The following CYP2J2 variants were observed in gnomAD, a reference collection of about 807,000 sequenced individuals.
The protein encoded by CYP2J2 is cytochrome P450 family 2 subfamily J member 2, also known as cytochrome P450 2J2.
A neutral mutation model predicts 48.8 loss-of-function variants in CYP2J2; 41 were observed. That is an observed-to-expected ratio of 0.84 (90% CI 0.66 to 1.09). CYP2J2 has a LOEUF of 1.09. Ranked by LOEUF, CYP2J2 falls within the 50% of genes least tolerant of loss-of-function variation. The pLI, the probability that CYP2J2 is intolerant of heterozygous loss-of-function variation, is 0.00. For synonymous variants in CYP2J2, 221 were observed against 227.1 expected, an observed-to-expected ratio of 0.97 and a Z score of 0.24; for missense variants, 644 against 617.3, an observed-to-expected ratio of 1.04 and a Z score of -0.46.
At chr1:59,943,440 G>A in the CYP2J2 span, among the ~76,000 whole-genome samples, 16 of 152,200 alleles carry the variant, frequency 1.1e-4, no homozygotes, top group Non-Finnish European at 2.9e-5. Context: ...TTTCTTGTGA[G>A]AAAATACGGA....
At chr1:59,923,257 T>C (rs745757747) in intron 1 of CYP2J2, among the ~76,000 whole-genome samples, 1 of 152,234 alleles carries the variant, frequency 6.6e-6, no homozygotes, top group Non-Finnish European at 1.5e-5. Flanking sequence ...TAGACCAGAA[T>C]AGCACTGCAG....
chr1:59,945,788 T>G, the CYP2J2 span, among the ~76,000 whole-genome samples: 7 of 152,196 alleles, frequency 4.6e-5, no homozygotes, highest in Non-Finnish European at 5.9e-5. Context: ...AAATGAAAAC[T>G]CCATCCTCTG....
rs150303224 is a variant in CYP2J2, at chr1:59,901,036, G to A, written c.1259C>T (p.Thr420Ile). 6.8e-6 allele frequency: 11 copies of A among 1,614,142 alleles called. No homozygotes were observed. In the African/African-American group the frequency reaches 1.5e-4, roughly 22 times the overall value. The change falls in exon 8 of 9, where the codon ACA (threonine) becomes ATA (isoleucine). Residue 420 changes from threonine to isoleucine, a missense_variant. Physicochemically the swap from Thr to Ile is moderately conservative, Grantham distance 89. Coordinates refer to ENST00000371204, the MANE Select transcript of CYP2J2 (RefSeq NM_000775.4). The part of the protein sequence containing the change: ...RDPTEWATPD[T>I]FNPDHFLENG... ...CTCCAGAAAATGGTCCGGATTGAAT[G>A]TGTCAGGGGTGGCCCACTCTGTGGG...
chr1:59,918,738 AAC>A (rs1382146892), intron 1 of CYP2J2, among the ~76,000 whole-genome samples: 1 of 152,124 alleles, frequency 6.6e-6, no homozygotes, highest in Non-Finnish European at 1.5e-5. Flanking sequence ...GAAAGGCAAA[AAC>A]AGTCTTAAAA....
At chr1:59,947,927 C>T in the CYP2J2 span, among the ~76,000 whole-genome samples, 7 of 152,178 alleles carry the variant, frequency 4.6e-5, no homozygotes, top group African/African-American at 1.7e-4. Context: ...TATCTGTAAC[C>T]CTTGTGTCTC....
At chr1:59,955,704 G>A in the CYP2J2 span, among the ~76,000 whole-genome samples, 16 of 152,072 alleles carry the variant, frequency 1.1e-4, 1 homozygote, top group Middle Eastern at 3.2e-3. Context: ...GGGCTAGAAC[G>A]CATAAACTTA....
chr1:59,935,091 T>A, the CYP2J2 span, among the ~76,000 whole-genome samples: 1,128 of 137,020 alleles, frequency 8.2e-3, 19 homozygotes, highest in African/African-American at 0.028. Flanking sequence ...AAGGAGGACA[T>A]CCTGCCATTT....
the CYP2J2 span, among the ~76,000 whole-genome samples, chr1:59,959,646 T>C: frequency 7.9e-5 from 12 of 152,064 alleles, no homozygotes; most frequent in African/African-American, 2.9e-4. Context: ...GATATATGTA[T>C]ATACATATAT....
intron 1 of CYP2J2, among the ~76,000 whole-genome samples, chr1:59,916,307 G>T (rs914394479): frequency 6.6e-6 from 1 of 151,902 alleles, no homozygotes; most frequent in East Asian, 1.9e-4. Context: ...TCTCAACAAG[G>T]CTCAGATTCA....
chr1:59,934,127 A>G, the CYP2J2 span, among the ~76,000 whole-genome samples: 3 of 152,186 alleles, frequency 2.0e-5, no homozygotes, highest in South Asian at 2.1e-4. Context: ...TCAATACTAC[A>G]TAACGGGGAA....
chr1:59,955,429 A>T, the CYP2J2 span, among the ~76,000 whole-genome samples: 3 of 151,892 alleles, frequency 2.0e-5, no homozygotes. Context: ...ATATCATCAT[A>T]ATGAAGACTG....
chr1:59,909,982 A>C, intron 4 of CYP2J2, 22 bp from the exon 5 acceptor site: 1 of 1,574,218 alleles, frequency 6.4e-7, no homozygotes, highest in South Asian at 1.2e-5. Flanking sequence ...AAACAAAACA[A>C]TCATGCAGAT....
At chr1:59,916,628 G>T (rs1225582952) in intron 1 of CYP2J2, among the ~76,000 whole-genome samples, 1 of 152,160 alleles carries the variant, frequency 6.6e-6, no homozygotes, top group African/African-American at 2.4e-5. Flanking sequence ...AGCTACTCAG[G>T]AGGCTGAGGT....
intron 1 of CYP2J2, 35 bp downstream of exon 1, chr1:59,926,502 G>A: frequency 6.4e-7 from 1 of 1,571,502 alleles, no homozygotes; most frequent in Non-Finnish European, 8.8e-7. Context: ...CAGAGTTAGG[G>A]TCAGGACACG....
the CYP2J2 span, among the ~76,000 whole-genome samples, chr1:59,963,405 A>T: frequency 6.6e-6 from 1 of 152,266 alleles, no homozygotes; most frequent in South Asian, 2.1e-4. Context: ...TGTGGTTGAA[A>T]ATTTGCCTAT....
intron 8 of CYP2J2, among the ~76,000 whole-genome samples, chr1:59,900,345 C>T (rs567950520): frequency 4.6e-5 from 7 of 152,230 alleles, no homozygotes; most frequent in Admixed American, 3.3e-4. Flanking sequence ...TGGCAGCACC[C>T]GACCGGGTGT....
chr1:59,921,804 T>C (rs1006872654), intron 1 of CYP2J2, among the ~76,000 whole-genome samples: 11 of 152,220 alleles, frequency 7.2e-5, no homozygotes, highest in South Asian at 4.2e-4. Context: ...ATCTTGCTAA[T>C]CATAGGTTAT....
the CYP2J2 span, among the ~76,000 whole-genome samples, chr1:59,958,536 T>G: frequency 6.6e-6 from 1 of 152,144 alleles, no homozygotes; most frequent in Admixed American, 6.5e-5. Flanking sequence ...CTTTCCTTCC[T>G]AGAACATCCC....
chr1:59,903,627 A>G (rs1159550934), intron 7 of CYP2J2, among the ~76,000 whole-genome samples: 1 of 151,896 alleles, frequency 6.6e-6, no homozygotes, highest in Non-Finnish European at 1.5e-5. Context: ...CGTGCAATAT[A>G]CCCTTGTAAC....
Sources: allele counts gnomAD v4.1 joint callset (sites outside exome capture counted in the v4.1 genomes callset), GRCh38; gene constraint gnomAD v4.1.1; transcripts MANE v1.5; gene names NCBI Gene and HGNC (gene_info 2026-07-23, HGNC 2026-07-21).